ADAM18: variants seen among roughly 807,000 people sequenced by gnomAD.
ADAM18 encodes the protein ADAM metallopeptidase domain 18.
A neutral mutation model predicts 94.4 loss-of-function variants in ADAM18; 117 were observed. The ratio of observed to expected loss-of-function variants is 1.24; its 90% CI spans 1.07 to 1.45. ADAM18 has a LOEUF of 1.45. Ranked by LOEUF, ADAM18 falls within the 40% of genes most tolerant of loss-of-function variation. The pLI is 0.00. For missense variants in ADAM18, 936 were observed against 880.0 expected (o/e 1.06, Z -0.81); for synonymous variants, 327 against 291.6 (o/e 1.12, Z -1.24).
chr8:39,611,227 T>C (rs1389142828), intron 6 of ADAM18: 2 of 556,282 alleles, frequency 3.6e-6, no homozygotes, highest in Non-Finnish European at 4.6e-6. Context: ...TTATTCTTAT[T>C]GGGAATTCCT....
At chr8:39,687,559 C>G (rs1435514079) in intron 16 of ADAM18, among the ~76,000 whole-genome samples, 1 of 152,082 alleles carries the variant, frequency 6.6e-6, no homozygotes, top group Non-Finnish European at 1.5e-5. Context: ...ACAAATGATT[C>G]CATCACCAAG....
intron 18 of ADAM18, among the ~76,000 whole-genome samples, chr8:39,710,224 T>A (rs1161548597): frequency 2.6e-5 from 4 of 152,248 alleles, no homozygotes; most frequent in Non-Finnish European, 5.9e-5. Context: ...GACTTCCTTT[T>A]TTGGCTGTGA....
intron 17 of ADAM18, among the ~76,000 whole-genome samples, chr8:39,700,465 A>G (rs948793186): frequency 1.3e-5 from 2 of 152,180 alleles, no homozygotes; most frequent in African/African-American, 4.8e-5. Flanking sequence ...ATTTGAAAAA[A>G]TGTACATAGA....
intron 13 of ADAM18, among the ~76,000 whole-genome samples, chr8:39,666,164 A>G (rs372703545): frequency 2.4e-4 from 37 of 152,224 alleles, no homozygotes; most frequent in African/African-American, 8.7e-4. Context: ...CAGCCTCCCA[A>G]GTAGCTAGGA....
chr8:39,608,261 A>G (rs1432846102), intron 3 of ADAM18, among the ~76,000 whole-genome samples: 3 of 151,982 alleles, frequency 2.0e-5, no homozygotes, highest in African/African-American at 2.4e-5. Flanking sequence ...TCAAAGCACC[A>G]TCATGTCTTA....
rs1819515341 is a variant in ADAM18 at position 39,618,539 on chromosome 8, A to G, written c.522+7833A>G. ...TTCCATAACCTGTGATTAGCAAGAT[A>G]TTAATCAGCAGTAACAGTTGCAGCA... On this transcript the variant is annotated intron_variant, in intron 6 of 19. Coordinates refer to ENST00000265707, the MANE Select transcript of ADAM18 (RefSeq NM_014237.3). 2.6e-5 allele frequency among the ~76,000 whole-genome samples: 4 copies of G among 152,238 alleles called. No homozygotes were observed. The South Asian group carries it at 8.3e-4, about 32-fold the overall frequency.
chr8:39,651,828 C>T (rs1380972764), intron 12 of ADAM18, among the ~76,000 whole-genome samples: 1 of 152,088 alleles, frequency 6.6e-6, no homozygotes, highest in Non-Finnish European at 1.5e-5. Context: ...AAGTTGGAGG[C>T]ATCACAATAC....
At chr8:39,701,395 T>C (rs989312937) in intron 17 of ADAM18, among the ~76,000 whole-genome samples, 1 of 152,008 alleles carries the variant, frequency 6.6e-6, no homozygotes, top group African/African-American at 2.4e-5. Context: ...ATGCTTGTTG[T>C]TCCTGACATT....
At chr8:39,678,121 A>G (rs1821346950) in intron 15 of ADAM18, among the ~76,000 whole-genome samples, 3 of 152,226 alleles carry the variant, frequency 2.0e-5, no homozygotes, top group African/African-American at 7.2e-5. Context: ...ATTGAAAATT[A>G]AAGAGCCACA....
At chr8:39,724,211 T>C (rs1016294934) in intron 19 of ADAM18, among the ~76,000 whole-genome samples, 19 of 151,874 alleles carry the variant, frequency 1.3e-4, no homozygotes, top group Non-Finnish European at 1.2e-4. Context: ...TCATTACACA[T>C]TGGTGTTGGT....
rs368160765 is a variant in ADAM18 at position 39,680,219 on chromosome 8, C to G, written c.1814C>G (p.Pro605Arg). The change falls in exon 16 of 20, where the codon CCA becomes CGA. Residue 605 changes from proline to arginine, a missense_variant. Coordinates refer to ENST00000265707, the MANE Select transcript of ADAM18 (RefSeq NM_014237.3). ...AYVADGTMCG[P>R]EMYCVNKTCR... ...GTGGCTGATGGCACCATGTGTGGTC[C>G]AGAAATGGTAACAAAATGTGATAAT... 9 of 1,608,016 alleles carry G rather than the reference C, an allele frequency of 5.6e-6. No individual in the cohort carries two copies. The highest frequency in any genetic ancestry group is 5.9e-6 in the Non-Finnish European group (7 of 1,178,258).
At chr8:39,713,675 A>C (rs998005487) in intron 18 of ADAM18, among the ~76,000 whole-genome samples, 2 of 152,176 alleles carry the variant, frequency 1.3e-5, no homozygotes, top group African/African-American at 4.8e-5. Flanking sequence ...ATGCAGCCAA[A>C]AAACACATGA....
intron 18 of ADAM18, among the ~76,000 whole-genome samples, chr8:39,715,837 T>A (rs953411910): frequency 1.3e-5 from 2 of 152,148 alleles, no homozygotes; most frequent in South Asian, 4.1e-4. Flanking sequence ...GGCCCAGATA[T>A]AGCCACCGGT....
chr8:39,618,429 G>T (rs1326802488), intron 6 of ADAM18, among the ~76,000 whole-genome samples: 3 of 152,210 alleles, frequency 2.0e-5, no homozygotes, highest in Admixed American at 1.3e-4. Flanking sequence ...TCTGTATGCA[G>T]AAGTACAGTA....
intron 16 of ADAM18, among the ~76,000 whole-genome samples, chr8:39,689,203 T>C (rs1242305369): frequency 6.6e-6 from 1 of 152,242 alleles, no homozygotes; most frequent in Non-Finnish European, 1.5e-5. Context: ...AGAAGTTCTT[T>C]AGTTAAATTA....
chr8:39,630,025 A>G (rs1342274553), intron 7 of ADAM18, among the ~76,000 whole-genome samples: 2 of 151,950 alleles, frequency 1.3e-5, no homozygotes, highest in African/African-American at 2.4e-5. Context: ...TATAAAGCAT[A>G]TTCACTTGAT....
chr8:39,638,384 A>G (rs1820144273), intron 9 of ADAM18, 81 bp from the exon 10 acceptor site: 2 of 912,688 alleles, frequency 2.2e-6, no homozygotes, highest in South Asian at 4.1e-5. Flanking sequence ...TTAAAATTTT[A>G]TGTGAAGAAG....
chr8:39,663,694 C>A, intron 12 of ADAM18, 101 bp from the exon 13 acceptor site: 1 of 496,126 alleles, frequency 2.0e-6, no homozygotes, highest in Non-Finnish European at 3.4e-6. Context: ...TGTATAACTA[C>A]AAGTTTGTAC....
intron 18 of ADAM18, among the ~76,000 whole-genome samples, chr8:39,709,980 T>G (rs1373031079): frequency 6.6e-6 from 1 of 152,198 alleles, no homozygotes; most frequent in African/African-American, 2.4e-5. Context: ...GTGGGAAAAT[T>G]AATGTGACAA....
Sources: allele counts gnomAD v4.1 joint callset (sites outside exome capture counted in the v4.1 genomes callset), GRCh38; gene constraint gnomAD v4.1.1; transcripts MANE v1.5; gene names NCBI Gene and HGNC (gene_info 2026-07-23, HGNC 2026-07-21).